PTCSC3: variants seen among roughly 807,000 people sequenced by gnomAD.
PTCSC3 encodes papillary thyroid carcinoma susceptibility candidate 3.
chr14:36,163,341 T>G (rs961076226), intron 1 of PTCSC3, among the ~76,000 whole-genome samples: 1 of 152,072 alleles, frequency 6.6e-6, no homozygotes, highest in Non-Finnish European at 1.5e-5. Context: ...AGGTACAATA[T>G]TTTTTACCTC....
At chr14:36,162,892 T>C (rs1368580278) in intron 1 of PTCSC3, among the ~76,000 whole-genome samples, 1 of 152,202 alleles carries the variant, frequency 6.6e-6, no homozygotes, top group Non-Finnish European at 1.5e-5. Context: ...CATGCTTATA[T>C]GGTGTCAGTT....
intron 3 of PTCSC3, chr14:36,153,786 C>G (rs1201728387): frequency 6.6e-6 from 1 of 152,100 alleles, no homozygotes; most frequent in African/African-American, 2.4e-5. Context: ...AATAAACAAG[C>G]CAGACATGGT....
In PTCSC3 at chr14:36,168,807, A is replaced by T. The variant is rs115506081; in HGVS notation, n.172-6124T>A. Among the ~76,000 whole-genome samples, 1,404 of 151,994 alleles carry T rather than the reference A, an allele frequency of 9.2e-3. 19 individuals carry two copies. Among genetic ancestry groups the T allele is most frequent in the African/African-American group, 0.029 (1,208 of 41,446 alleles). On this transcript the variant is annotated intron_variant and non_coding_transcript_variant, in intron 1 of 3. Coordinates refer to ENST00000556013, the Ensembl canonical transcript of PTCSC3. Reference sequence around the variant, plus strand: ...ACTTAAAACATTTTTTTGTTTAGAGATGGTGATCTTGCTGTTTTGCCCAAG... The same window carrying T: ...ACTTAAAACATTTTTTTGTTTAGAGTTGGTGATCTTGCTGTTTTGCCCAAG...
At chr14:36,152,910 A>G (rs912320035) in intron 3 of PTCSC3, among the ~76,000 whole-genome samples, 27 of 147,518 alleles carry the variant, frequency 1.8e-4, no homozygotes, top group African/African-American at 6.5e-4. Context: ...AAAAAAAAAA[A>G]GAAAGAAAGA....
chr14:36,161,223 A>G (rs1238797136), intron 2 of PTCSC3, among the ~76,000 whole-genome samples: 1 of 152,096 alleles, frequency 6.6e-6, no homozygotes, highest in Non-Finnish European at 1.5e-5. Flanking sequence ...TATTTCTGTC[A>G]ATTTGTCAAG....
chr14:36,165,601 A>AT (rs1882070502), intron 1 of PTCSC3, among the ~76,000 whole-genome samples: 1 of 152,002 alleles, frequency 6.6e-6, no homozygotes, highest in South Asian at 2.1e-4. Context: ...TATCGCAGGT[A>AT]TTTTTTAAAT....
chr14:36,167,821 CATTTT>C (rs956458068), intron 1 of PTCSC3, among the ~76,000 whole-genome samples: 2 of 152,152 alleles, frequency 1.3e-5, no homozygotes, highest in African/African-American at 4.8e-5. Flanking sequence ...GAACAGTACT[CATTTT>C]AAGCACTCTA....
intron 3 of PTCSC3, among the ~76,000 whole-genome samples, chr14:36,139,962 A>G (rs1167842019): frequency 6.6e-6 from 1 of 152,156 alleles, no homozygotes. Context: ...ACTGTCCTAA[A>G]AGTCCCCTGT....
chr14:36,160,484 G>T (rs553942324), intron 2 of PTCSC3, among the ~76,000 whole-genome samples: 2 of 152,226 alleles, frequency 1.3e-5, no homozygotes, highest in African/African-American at 4.8e-5. Flanking sequence ...CTTCATTTAC[G>T]AAGCTTAGTT....
downstream of PTCSC3, among the ~76,000 whole-genome samples, chr14:36,135,505 T>C (rs992253100): frequency 6.6e-6 from 1 of 152,212 alleles, no homozygotes; most frequent in Non-Finnish European, 1.5e-5. Flanking sequence ...AAGAAGGTTG[T>C]CAATTACTAC....
At position 36,174,692 on chromosome 14, in the gene PTCSC3, TCTAAC is replaced by T. The variant is rs112947110; in HGVS notation, n.171+1601_171+1605del. 5.1e-3 allele frequency among the ~76,000 whole-genome samples: 779 copies of T among 152,308 alleles called. 3 individuals are homozygous for T. Among genetic ancestry groups the T allele is most frequent in the African/African-American group, 0.018 (739 of 41,568 alleles). ...ACAGTCCAAGGTGTTTTCAAGATCT[TCTAAC>T]CTTTCAGTAGTCACTTTCCAAACTG... On this transcript the variant is annotated intron_variant and non_coding_transcript_variant, in intron 1 of 3. Transcript: ENST00000556013.
intron 1 of PTCSC3, among the ~76,000 whole-genome samples, chr14:36,162,842 G>A (rs987583605): frequency 6.6e-6 from 1 of 152,170 alleles, no homozygotes; most frequent in Admixed American, 6.5e-5. Flanking sequence ...AATGGAGTTT[G>A]CACTGGTACT....
At chr14:36,149,075 T>C in intron 3 of PTCSC3, among the ~76,000 whole-genome samples, 1 of 152,104 alleles carries the variant, frequency 6.6e-6, no homozygotes, top group East Asian at 1.9e-4. Flanking sequence ...AGTTATCTAA[T>C]GTGTAGGCTT....
chr14:36,176,689 G>A (rs758674772), upstream of PTCSC3, among the ~76,000 whole-genome samples: 3 of 152,106 alleles, frequency 2.0e-5, no homozygotes, highest in Non-Finnish European at 2.9e-5. Flanking sequence ...TGCTGGATAA[G>A]CTATTCCTTC....
At chr14:36,147,497 T>A (rs1035744095) in intron 3 of PTCSC3, among the ~76,000 whole-genome samples, 51 of 152,226 alleles carry the variant, frequency 3.4e-4, no homozygotes, top group African/African-American at 1.2e-3. Context: ...TTCTTGAGCC[T>A]TGGTTTTTGG....
chr14:36,169,543 A>G (rs916708121), intron 1 of PTCSC3, among the ~76,000 whole-genome samples: 4 of 152,098 alleles, frequency 2.6e-5, no homozygotes, highest in Admixed American at 2.6e-4. Context: ...CTCTTTCTCT[A>G]GTTGGTGATT....
intron 2 of PTCSC3, among the ~76,000 whole-genome samples, chr14:36,162,276 A>AAAAAC (rs1881979132): frequency 1.3e-5 from 2 of 150,346 alleles, no homozygotes; most frequent in Middle Eastern, 3.4e-3. Flanking sequence ...AAAAAAAAAA[A>AAAAAC]AAAAAAAAAC....
At chr14:36,167,571 G>A (rs1248727288) in intron 1 of PTCSC3, among the ~76,000 whole-genome samples, 2 of 152,106 alleles carry the variant, frequency 1.3e-5, no homozygotes, top group African/African-American at 4.8e-5. Flanking sequence ...CCTAGTTCTC[G>A]ATGTTATCCA....
chr14:36,159,600 A>T (rs915977094), intron 2 of PTCSC3, among the ~76,000 whole-genome samples: 1 of 152,084 alleles, frequency 6.6e-6, no homozygotes, highest in Non-Finnish European at 1.5e-5. Flanking sequence ...GCACTGTGGT[A>T]TGAGATATTG....
Sources: gnomAD v4.1 joint callset for allele counts (sites outside exome capture counted in the v4.1 genomes callset) on GRCh38, gnomAD v4.1.1 for gene constraint, MANE v1.5 for transcripts, NCBI Gene and HGNC (gene_info 2026-07-23, HGNC 2026-07-21) for gene names.